Variants in ATG16L2 observed in about 807,000 individuals in gnomAD.
ATG16L2 encodes protein Atg16l2.
Under a neutral mutation model 84.7 loss-of-function variants are expected in ATG16L2, and 77 were observed. That is an observed-to-expected ratio of 0.91 (90% CI 0.76 to 1.10). The LOEUF (loss-of-function observed/expected upper bound fraction) is 1.10. Among genes scored for constraint, ATG16L2 ranks in the 50% least tolerant of loss-of-function variants. The pLI is 0.00. For missense variants in ATG16L2, 782 were observed against 817.6 expected (o/e 0.96, Z 0.53); for synonymous variants, 361 against 342.8 (o/e 1.05, Z -0.59).
chr11:72,815,588 C>T (rs908022668), intron 1 of ATG16L2, among the ~76,000 whole-genome samples: 1 of 152,068 alleles, frequency 6.6e-6, no homozygotes, highest in Non-Finnish European at 1.5e-5. Context: ...ACTGAAGGGC[C>T]AGTCTTGAAA....
At chr11:72,821,962 C>G (rs1036522105) in intron 4 of ATG16L2, 82 bp from the exon 5 acceptor site, 3 of 1,437,726 alleles carry the variant, frequency 2.1e-6, no homozygotes, top group Non-Finnish European at 2.7e-6. Context: ...ATGGGCAGGT[C>G]TGTCTCTGCT....
At chr11:72,830,147 G>T (rs1324387718), downstream of ATG16L2, among the ~76,000 whole-genome samples, 5 of 152,184 alleles carry the variant, frequency 3.3e-5, no homozygotes, top group African/African-American at 1.2e-4. Flanking sequence ...GGCCAGATCT[G>T]GGCCTGGGGC....
intron 5 of ATG16L2, chr11:72,838,604 C>CAA (rs113447165): frequency 8.1e-5 from 39 of 482,092 alleles, no homozygotes; most frequent in African/African-American, 3.3e-4. Context: ...AAAATGACAA[C>CAA]AAAAAAAAAA....
In ATG16L2 at chr11:72,825,290, C is replaced by CT. The variant is rs1463054244; in HGVS notation, c.997-9dup. The CT allele has an allele frequency of 5.0e-6, 8 of 1,611,658 alleles. No individual in the cohort carries two copies. Among genetic ancestry groups the CT allele is most frequent in the Non-Finnish European group, 5.9e-6 (7 of 1,178,722 alleles). On this transcript the variant is annotated splice_polypyrimidine_tract_variant and intron_variant, in intron 9 of 17. Transcript: ENST00000321297. ...GGGAGGGCCGGGGCACCAACCTCCCCTTTCCCCACAGGATGCCCACCTCTC... is the reference window on the plus strand; with the variant it reads ...GGGAGGGCCGGGGCACCAACCTCCCCTTTTCCCCACAGGATGCCCACCTCTC...
chr11:72,841,594 G>A (rs771324357), intron 5 of ATG16L2: 1 of 1,592,416 alleles, frequency 6.3e-7, no homozygotes, highest in Admixed American at 1.8e-5. Flanking sequence ...CTGCAGCAAA[G>A]GGAAGCGAGG....
intron 5 of ATG16L2, among the ~76,000 whole-genome samples, chr11:72,842,236 G>A (rs1017595712): frequency 1.3e-5 from 2 of 152,210 alleles, no homozygotes; most frequent in Non-Finnish European, 2.9e-5. Flanking sequence ...TAGGCAAGGA[G>A]GCTCTGACAG....
chr11:72,835,571 G>A (rs913470388), intron 5 of ATG16L2, among the ~76,000 whole-genome samples: 19 of 152,166 alleles, frequency 1.2e-4, no homozygotes, highest in African/African-American at 4.3e-4. Context: ...AAGTGGCAGA[G>A]CCAGGATTTA....
chr11:72,840,357 C>G (rs1860879169), intron 5 of ATG16L2, among the ~76,000 whole-genome samples: 1 of 152,140 alleles, frequency 6.6e-6, no homozygotes, highest in Non-Finnish European at 1.5e-5. Flanking sequence ...TGCAAAGTAT[C>G]CGACTGGATT....
At chr11:72,816,439 G>A (rs1004587692) in intron 1 of ATG16L2, 27 of 353,410 alleles carry the variant, frequency 7.6e-5, no homozygotes, top group South Asian at 2.1e-4. Flanking sequence ...CTTCCCTCAG[G>A]ACCCTCAGCG....
rs372118310 is a variant in ATG16L2 at position 72,826,166 on chromosome 11, C to T, written c.1103-7C>T. The T allele has an allele frequency of 3.2e-5, 52 of 1,611,586 alleles. No individual in the cohort carries two copies. Among genetic ancestry groups the T allele is most frequent in the Non-Finnish European group, 3.4e-6 (4 of 1,178,428 alleles). On this transcript the variant is annotated splice_region_variant and splice_polypyrimidine_tract_variant and intron_variant, in intron 10 of 17. Transcript: ENST00000321297. The stretch of plus-strand genomic sequence containing the variant: ...ATTTCAACTGTCCCTTCCCCTGGTC[C>T]TCCCAGGTCGCCTGGAGGCCAACCA...
chr11:72,828,273 A>G (rs1860480337), intron 14 of ATG16L2, 86 bp from the exon 15 acceptor site: 2 of 1,515,190 alleles, frequency 1.3e-6, no homozygotes, highest in East Asian at 4.5e-5. Flanking sequence ...TTGGTTAGCT[A>G]GGAAGGCTGC....
At chr11:72,827,000 G>C in intron 13 of ATG16L2, 177 bp downstream of exon 13, 4 of 905,124 alleles carry the variant, frequency 4.4e-6, no homozygotes, top group Non-Finnish European at 6.6e-6. Context: ...TTTTCTGTCT[G>C]GTTTCTTGGT....
At chr11:72,824,334 G>A in intron 8 of ATG16L2, 1 of 615,018 alleles carries the variant, frequency 1.6e-6, no homozygotes. Context: ...ACAAGGGTCT[G>A]TCTTCATCCA....
At chr11:72,825,719 C>T (rs1337269832) in intron 10 of ATG16L2, among the ~76,000 whole-genome samples, 2 of 152,078 alleles carry the variant, frequency 1.3e-5, no homozygotes, top group Non-Finnish European at 2.9e-5. Context: ...AAGAGCAGGT[C>T]CCTGAGTCTA....
intron 5 of ATG16L2, chr11:72,838,616 GC>G (rs1860805272): frequency 1.7e-6 from 1 of 596,722 alleles, no homozygotes; most frequent in South Asian, 2.1e-5. Context: ...AAAAAAAAAG[GC>G]ACGAAATATT....
At chr11:72,826,438 G>A in intron 11 of ATG16L2, 80 bp from the exon 12 acceptor site, 1 of 1,568,048 alleles carries the variant, frequency 6.4e-7, no homozygotes, top group Non-Finnish European at 8.7e-7. Flanking sequence ...AAACTGTGAG[G>A]CAGCCCCTAG....
chr11:72,838,856 G>A, intron 5 of ATG16L2: 1 of 1,586,908 alleles, frequency 6.3e-7, no homozygotes, highest in Non-Finnish European at 8.6e-7. Flanking sequence ...TGTGTAGGTG[G>A]AGGGGGAGCT....
chr11:72,821,552 CT>C (rs1466830134), intron 3 of ATG16L2, 115 bp from the exon 4 acceptor site: 7 of 1,481,944 alleles, frequency 4.7e-6, no homozygotes, highest in Non-Finnish European at 6.2e-6. Flanking sequence ...GCTCAGCTTG[CT>C]TTTCAGGAAG....
Position 72,841,454 on chromosome 11 carries a change from C to T in ATG16L2, c.*22-1163C>T, listed in dbSNP as rs760347351. The T allele has an allele frequency of 1.2e-6, 2 of 1,610,400 alleles. No homozygotes were observed. Among genetic ancestry groups the T allele is most frequent in the Admixed American group, 1.7e-5 (1 of 59,468 alleles). On this transcript the variant is annotated intron_variant, in intron 5 of 5. Coordinates refer to the ATG16L2 transcript ENST00000534905. The stretch of plus-strand genomic sequence containing the variant: ...GACCCATGCCCAGGAGAACCCTTAC[C>T]GTTTGCTGAAGGAGACCGGGGAAAG...
Sources: allele counts gnomAD v4.1 joint callset (sites outside exome capture counted in the v4.1 genomes callset), GRCh38; gene constraint gnomAD v4.1.1; transcripts MANE v1.5; gene names NCBI Gene and HGNC (gene_info 2026-07-23, HGNC 2026-07-21).